Variants in XKR9 observed in about 807,000 individuals in gnomAD.
The protein encoded by XKR9 is XK related 9, also known as XK-related protein 9.
Under a neutral mutation model 32.0 loss-of-function variants are expected in XKR9, and 32 were observed. That is an observed-to-expected ratio of 1.00 (90% CI 0.76 to 1.34). XKR9 has a LOEUF of 1.34. XKR9 is among the 40% of genes most tolerant of loss of function. XKR9 has a pLI of 0.00. For synonymous variants in XKR9, 168 were observed against 143.4 expected, an observed-to-expected ratio of 1.17 and a Z score of -1.22; for missense variants, 546 against 429.7, an observed-to-expected ratio of 1.27 and a Z score of -2.39.
chr8:71,039,799 A>C, the XKR9 span, among the ~76,000 whole-genome samples: 1 of 152,068 alleles, frequency 6.6e-6, no homozygotes, highest in East Asian at 1.9e-4. Flanking sequence ...GGGGAAGGGG[A>C]TTGTGATGAA....
chr8:70,918,819 CCAGGCTGGAGTG>C, the XKR9 span, among the ~76,000 whole-genome samples: 6 of 122,438 alleles, frequency 4.9e-5, no homozygotes, highest in Admixed American at 5.7e-4. Flanking sequence ...GCTCTGTCGC[CCAGGCTGGAGTG>C]CAGTGGCGCT....
At chr8:71,063,020 C>T in the XKR9 span, among the ~76,000 whole-genome samples, 10 of 152,124 alleles carry the variant, frequency 6.6e-5, no homozygotes, top group African/African-American at 1.7e-4. Context: ...ACACACACCT[C>T]ATTTGTCTTC....
the XKR9 span, among the ~76,000 whole-genome samples, chr8:70,906,045 A>C: frequency 6.6e-6 from 1 of 152,144 alleles, no homozygotes; most frequent in Non-Finnish European, 1.5e-5. Context: ...CACTACTGGG[A>C]GGCATCTCCC....
chr8:70,718,435 A>C lies in XKR9; in HGVS notation c.493+11282A>C, dbSNP rs543883683. ...CCATCATCTAGGTTTTAAGCCCCGC[A>C]TGCATTAGCTGTTTGTCCTAATGCT... On this transcript the variant is annotated intron_variant, in intron 4 of 4. Transcript: ENST00000408926. Among the ~76,000 whole-genome samples, 3 of 152,074 alleles carry C rather than the reference A, an allele frequency of 2.0e-5. No individual in the cohort carries two copies. The South Asian group carries it at 6.2e-4, about 32-fold the overall frequency.
At chr8:70,925,813 G>C in the XKR9 span, among the ~76,000 whole-genome samples, 2 of 152,116 alleles carry the variant, frequency 1.3e-5, no homozygotes, top group African/African-American at 4.8e-5. Context: ...GGGTATGTAG[G>C]AAATAACTGG....
intron 2 of XKR9, among the ~76,000 whole-genome samples, chr8:70,771,049 C>A (rs1807447476): frequency 6.6e-6 from 1 of 152,134 alleles, no homozygotes; most frequent in Non-Finnish European, 1.5e-5. Flanking sequence ...GGTGTAGGCA[C>A]CTGAGGGAAT....
chr8:70,858,316 C>T, the XKR9 span, among the ~76,000 whole-genome samples: 3 of 152,022 alleles, frequency 2.0e-5, no homozygotes, highest in African/African-American at 7.2e-5. Context: ...TTCCTATATA[C>T]CAATAACAGA....
At chr8:70,923,154 G>A in the XKR9 span, among the ~76,000 whole-genome samples, 1 of 152,236 alleles carries the variant, frequency 6.6e-6, no homozygotes, top group Non-Finnish European at 1.5e-5. Context: ...GCCCACTGAA[G>A]GAAGAACCAG....
chr8:70,796,958 A>G, the XKR9 span, among the ~76,000 whole-genome samples: 14 of 152,110 alleles, frequency 9.2e-5, no homozygotes, highest in Non-Finnish European at 1.6e-4. Context: ...CTTGTGAACA[A>G]AAAAAATTAC....
At chr8:70,717,085 C>T (rs780454656) in intron 4 of XKR9, among the ~76,000 whole-genome samples, 1 of 152,216 alleles carries the variant, frequency 6.6e-6, no homozygotes, top group Non-Finnish European at 1.5e-5. Flanking sequence ...AAGAGGTGGA[C>T]TCCTATGGCC....
At chr8:70,990,643 CAA>C in the XKR9 span, among the ~76,000 whole-genome samples, 9 of 151,750 alleles carry the variant, frequency 5.9e-5, no homozygotes, top group African/African-American at 2.2e-4. Flanking sequence ...ACCCAAATTG[CAA>C]GTTTCCGTTC....
At chr8:70,989,333 A>G in the XKR9 span, among the ~76,000 whole-genome samples, 396 of 152,324 alleles carry the variant, frequency 2.6e-3, 4 homozygotes, top group African/African-American at 9.0e-3. Flanking sequence ...TTCGAAATAA[A>G]ATTTATATTA....
chr8:70,734,198 T>A lies in XKR9; in HGVS notation c.896T>A (p.Leu299Ter), dbSNP rs1328229875. 6.2e-7 allele frequency: 1 copy of A among 1,613,506 alleles called. No homozygotes were observed. Residue 299 changes from leucine to a stop codon, truncating the protein, a stop_gained, in exon 5 of 5, where the codon TTG (leucine) becomes TAG (stop). Transcript: ENST00000408926. LOFTEE classifies it high-confidence loss of function. Reference sequence around the variant, plus strand: ...TATATTGTTAGGGTACTGGGCACTTTGGGGATATTGACTGTATTCTGGGTT... The same window carrying A: ...TATATTGTTAGGGTACTGGGCACTTAGGGGATATTGACTGTATTCTGGGTT... ...CYYIVRVLGT[L>*]GILTVFWVCP...
At chr8:70,938,931 C>T in the XKR9 span, among the ~76,000 whole-genome samples, 2 of 148,968 alleles carry the variant, frequency 1.3e-5, no homozygotes, top group Non-Finnish European at 3.0e-5. Flanking sequence ...TGGCCTCCTA[C>T]CAGGAAAAAA....
chr8:70,702,135 C>T (rs1041119817), intron 3 of XKR9, among the ~76,000 whole-genome samples: 3 of 152,004 alleles, frequency 2.0e-5, no homozygotes, highest in Non-Finnish European at 2.9e-5. Flanking sequence ...CAATTTAAAA[C>T]GCCTTAGAGA....
the XKR9 span, among the ~76,000 whole-genome samples, chr8:71,040,786 G>T: frequency 6.6e-6 from 1 of 151,912 alleles, no homozygotes; most frequent in African/African-American, 2.4e-5. Context: ...TATATTTTAG[G>T]AGCTATAAAA....
At chr8:70,761,627 T>A (rs371921317) in intron 2 of XKR9, among the ~76,000 whole-genome samples, 2 of 152,326 alleles carry the variant, frequency 1.3e-5, no homozygotes, top group African/African-American at 4.8e-5. Flanking sequence ...TCGCAAACAT[T>A]TTCTTTCATT....
the XKR9 span, among the ~76,000 whole-genome samples, chr8:70,803,510 G>A: frequency 6.6e-6 from 1 of 152,218 alleles, no homozygotes. Context: ...GAGGTAAGAA[G>A]ACACTGAGTT....
the XKR9 span, among the ~76,000 whole-genome samples, chr8:70,862,761 A>G: frequency 6.6e-6 from 1 of 152,094 alleles, no homozygotes. Context: ...TATAACTTAC[A>G]TCTGGTGGGG....
Sources: gnomAD v4.1 joint callset for allele counts (sites outside exome capture counted in the v4.1 genomes callset) on GRCh38, gnomAD v4.1.1 for gene constraint, MANE v1.5 for transcripts, NCBI Gene and HGNC (gene_info 2026-07-23, HGNC 2026-07-21) for gene names.